TAOK1: variants seen among roughly 807,000 people sequenced by gnomAD.
The protein encoded by TAOK1 is serine/threonine-protein kinase TAO1.
Under a neutral mutation model 138.3 loss-of-function variants are expected in TAOK1, and 21 were observed. That is an observed-to-expected ratio of 0.15 (90% CI 0.11 to 0.22). The LOEUF is 0.22. Ranked by LOEUF, TAOK1 falls within the 10% of genes least tolerant of loss-of-function variation. The pLI is 1.00. For synonymous variants in TAOK1, 361 were observed against 398.4 expected (o/e 0.91, Z 1.12); for missense variants, 651 against 1,227.7 (o/e 0.53, Z 7.02).
chr17:29,480,328 G>A, intron 6 of TAOK1, 40 bp from the exon 7 acceptor site: 1 of 1,424,422 alleles, frequency 7.0e-7, no homozygotes, highest in East Asian at 2.3e-5. Flanking sequence ...ATAATCTATT[G>A]AGGGAAAGTT....
At chr17:29,467,301 T>A in intron 3 of TAOK1, 85 bp downstream of exon 3, 4 of 727,892 alleles carry the variant, frequency 5.5e-6, no homozygotes, top group African/African-American at 1.8e-5. Context: ...TGAGACTGAG[T>A]CTCCCTCTGT....
intron 8 of TAOK1, among the ~76,000 whole-genome samples, 153 bp from the exon 9 acceptor site, chr17:29,489,508 TAAA>T (rs1007145667): frequency 6.8e-6 from 1 of 147,216 alleles, no homozygotes; most frequent in South Asian, 2.1e-4. Flanking sequence ...AGAAAAAAAA[TAAA>T]AAAAAAGCTC....
At chr17:29,512,619 TC>T (rs1298498563) in intron 15 of TAOK1, 1 of 151,744 alleles carries the variant, frequency 6.6e-6, no homozygotes, top group African/African-American at 2.4e-5. Context: ...GACCTTGTGA[TC>T]CACCCGCCTC....
Position 29,495,702 on chromosome 17 carries a change from C to T in TAOK1, c.974C>T (p.Ala325Val). Residue 325 changes from alanine to valine, a missense_variant, in exon 11 of 20, where the codon GCA becomes GTA. By Grantham distance (64) the Ala-to-Val change is moderately conservative. Transcript: ENST00000261716. ...TTCCAGGAGGCACATAATGGACCAG[C>T]AGTAGAAGCACAGGAAGAAGAAGAG... ...LLFQEAHNGPAVEAQEEEEEQ... is the reference protein window; with the variant it reads ...LLFQEAHNGPVVEAQEEEEEQ... 1 of 1,604,220 alleles carries T rather than the reference C, an allele frequency of 6.2e-7. No individual in the cohort carries two copies. The highest frequency in any genetic ancestry group is 8.5e-7 in the Non-Finnish European group (1 of 1,174,478).
At chr17:29,458,563 T>C (rs2030452760) in intron 2 of TAOK1, among the ~76,000 whole-genome samples, 1 of 152,252 alleles carries the variant, frequency 6.6e-6, no homozygotes, top group Non-Finnish European at 1.5e-5. Flanking sequence ...AATGGCACAA[T>C]CTTGTCACAC....
intron 1 of TAOK1, among the ~76,000 whole-genome samples, chr17:29,419,640 C>T (rs938339947): frequency 6.6e-6 from 1 of 151,768 alleles, no homozygotes. Context: ...CACAGGCACA[C>T]ACCACCACGC....
intron 1 of TAOK1, among the ~76,000 whole-genome samples, chr17:29,397,684 C>CATGTATGATAGATGTATAT (rs1555555367): frequency 1.6e-5 from 2 of 128,116 alleles, no homozygotes; most frequent in Admixed American, 1.6e-4. Context: ...TACATGTATA[C>CATGTATGATAGATGTATAT]ATGTATATTC....
chr17:29,508,201 A>C, intron 14 of TAOK1, 69 bp downstream of exon 14: 1 of 1,347,378 alleles, frequency 7.4e-7, no homozygotes, highest in Middle Eastern at 1.8e-4. Flanking sequence ...CCAACATGGC[A>C]GTTTGATGTT....
At chr17:29,429,174 G>A (rs1247347964) in intron 1 of TAOK1, among the ~76,000 whole-genome samples, 1 of 152,072 alleles carries the variant, frequency 6.6e-6, no homozygotes, top group Non-Finnish European at 1.5e-5. Flanking sequence ...ATCAGTTTCA[G>A]CTTTAGAATT....
Position 29,451,587 on chromosome 17 carries a change from T to C in TAOK1, c.39T>C (p.Pro13=). Residue 13 remains proline (P), a synonymous_variant, in exon 2 of 20, where the codon CCT becomes CCC. Coordinates refer to ENST00000261716, the MANE Select transcript of TAOK1 (RefSeq NM_020791.4). ...STNRAGSLKD[P]EIAELFFKED... ...ACAGAGCAGGCAGCCTGAAGGACCC[T>C]GAAATTGCAGAGCTCTTCTTCAAAG... 6.2e-7 allele frequency: 1 copy of C among 1,613,730 alleles called. No homozygotes were observed. Among genetic ancestry groups the C allele is most frequent in the South Asian group, 1.1e-5 (1 of 91,050 alleles).
chr17:29,465,169 T>TCA (rs370699300), intron 2 of TAOK1, among the ~76,000 whole-genome samples: 1 of 120,582 alleles, frequency 8.3e-6, no homozygotes, highest in African/African-American at 3.2e-5. Context: ...AGATGGACTC[T>TCA]CACTCTGTTG....
At position 29,446,466 on chromosome 17, in the gene TAOK1, C is replaced by T. The variant is rs528576883; in HGVS notation, c.-94-4989C>T. ...CCGTGTTAGCCAGGATGGTCTCGAT[C>T]TCCTGACCTCGTGATCCGCCTGCCT... On this transcript the variant is annotated intron_variant, in intron 1 of 19. Transcript: ENST00000261716. 3.9e-5 allele frequency among the ~76,000 whole-genome samples: 6 copies of T among 152,264 alleles called. No individual in the cohort carries two copies. The South Asian group carries it at 1.0e-3, about 26-fold the overall frequency.
rs751852480 is a variant in TAOK1 at position 29,495,575 on chromosome 17, C to T, written c.847C>T (p.Arg283Trp). The change falls in exon 11 of 20, where the codon CGG (arginine) becomes TGG (tryptophan). Residue 283 changes from arginine to tryptophan, a missense_variant. Around this residue, in one of 8 missense-constraint regions of TAOK1, gnomAD observed 39 missense variants for 52.5 expected, o/e 0.74. Transcript: ENST00000261716. Reference protein sequence around the residue: ...EELLKHIFVLRERPETVLIDL... With the variant: ...EELLKHIFVLWERPETVLIDL... ...CCCTATCTAGCACATATTTGTTCTT[C>T]GGGAGCGCCCTGAAACCGTGTTAAT... The T allele has an allele frequency of 4.4e-5, 70 of 1,598,592 alleles. No individual in the cohort carries two copies. Among genetic ancestry groups the T allele is most frequent in the Admixed American group, 8.5e-5 (5 of 58,890 alleles).
intron 1 of TAOK1, among the ~76,000 whole-genome samples, chr17:29,433,737 A>G (rs1399953395): frequency 1.3e-5 from 2 of 152,282 alleles, no homozygotes; most frequent in African/African-American, 2.4e-5. Context: ...TGCAAATGGC[A>G]TGAACCTCCT....
At chr17:29,468,278 A>T (rs62066616) in intron 3 of TAOK1, among the ~76,000 whole-genome samples, 23,831 of 150,458 alleles carry the variant, frequency 0.16, 2,018 homozygotes, top group Admixed American at 0.21. Flanking sequence ...CTGGGACTAC[A>T]GGTGCATGCC....
intron 1 of TAOK1, among the ~76,000 whole-genome samples, chr17:29,420,928 G>A (rs1313052293): frequency 4.0e-5 from 6 of 150,790 alleles, no homozygotes; most frequent in Non-Finnish European, 4.4e-5. Flanking sequence ...TAGCTATAGG[G>A]ATTTTTTGTT....
chr17:29,455,084 T>C (rs2030341213), intron 2 of TAOK1, among the ~76,000 whole-genome samples: 1 of 152,030 alleles, frequency 6.6e-6, no homozygotes, highest in Non-Finnish European at 1.5e-5. Flanking sequence ...CTAATTTTTG[T>C]ATTTTTAGTA....
At position 29,465,530 on chromosome 17, in the gene TAOK1, A is replaced by T. The variant is rs1463924085; in HGVS notation, c.133-1615A>T. 4.6e-5 allele frequency among the ~76,000 whole-genome samples: 7 copies of T among 151,956 alleles called. No individual in the cohort carries two copies. The East Asian group carries it at 1.4e-3, about 29-fold the overall frequency. ...CTTTTTTTAAAAAAAAAGTTTTTTG[A>T]GGTATAATTTACATACCAGAGGTCT... On this transcript the variant is annotated intron_variant, in intron 2 of 19. Coordinates refer to ENST00000261716, the MANE Select transcript of TAOK1 (RefSeq NM_020791.4).
chr17:29,518,468 G>A (rs533527577), intron 16 of TAOK1, among the ~76,000 whole-genome samples: 2 of 152,266 alleles, frequency 1.3e-5, no homozygotes, highest in South Asian at 4.1e-4. Context: ...CTGAGCTACA[G>A]AGCAAGACCC....
Sources: allele counts gnomAD v4.1 joint callset (sites outside exome capture counted in the v4.1 genomes callset), GRCh38; gene constraint gnomAD v4.1.1; regional missense constraint gnomAD v4.1.1; transcripts MANE v1.5; gene names NCBI Gene and HGNC (gene_info 2026-07-23, HGNC 2026-07-21).